Variants in TMEM267 observed in about 807,000 individuals in gnomAD.
TMEM267 encodes transmembrane protein 267.
Under a neutral mutation model 19.3 loss-of-function variants are expected in TMEM267, and 20 were observed. The observed-to-expected ratio is 1.04, with a 90% CI of 0.73 to 1.51. TMEM267 has a LOEUF of 1.51. Ranked by LOEUF, TMEM267 falls within the 40% of genes most tolerant of loss-of-function variation. The pLI, the probability that TMEM267 is intolerant of heterozygous loss-of-function variation, is 0.00. For synonymous variants in TMEM267, 88 were observed against 90.3 expected, an observed-to-expected ratio of 0.97 and a Z score of 0.15; for missense variants, 242 against 261.9, an observed-to-expected ratio of 0.92 and a Z score of 0.52.
At position 43,446,565 on chromosome 5, in the gene TMEM267, A is replaced by G. The variant is rs1163594650; in HGVS notation, c.313-8T>C. 3 of 1,578,682 alleles carry G rather than the reference A, an allele frequency of 1.9e-6. No homozygotes were observed. Among genetic ancestry groups the G allele is most frequent in the Non-Finnish European group, 2.6e-6 (3 of 1,156,512 alleles). On this transcript the variant is annotated splice_polypyrimidine_tract_variant and splice_region_variant and intron_variant, in intron 2 of 2. Coordinates refer to ENST00000397080, the MANE Select transcript of TMEM267 (RefSeq NM_022483.5). ...CGGGAGAGTCAAAGCAGCCTGAGGG[A>G]GCAAAGTAATAGCGAGTATCATTTC...
intron 1 of TMEM267, among the ~76,000 whole-genome samples, chr5:43,472,068 C>T (rs1029051136): frequency 6.6e-6 from 1 of 151,860 alleles, no homozygotes; most frequent in Non-Finnish European, 1.5e-5. Context: ...AACCAAAATA[C>T]GTAAGTGCTC....
chr5:43,459,545 T>C (rs950738278), intron 1 of TMEM267, among the ~76,000 whole-genome samples: 2 of 151,938 alleles, frequency 1.3e-5, no homozygotes, highest in African/African-American at 4.8e-5. Flanking sequence ...GTCTAAGAAA[T>C]ACAAACAAAA....
chr5:43,457,619 C>T (rs1189281063), intron 1 of TMEM267, among the ~76,000 whole-genome samples: 1 of 152,150 alleles, frequency 6.6e-6, no homozygotes, highest in Non-Finnish European at 1.5e-5. Flanking sequence ...TATCTGCCCC[C>T]ATGAACCAGT....
At chr5:43,455,680 T>G (rs768117119) in intron 1 of TMEM267, among the ~76,000 whole-genome samples, 1 of 152,124 alleles carries the variant, frequency 6.6e-6, no homozygotes, top group Non-Finnish European at 1.5e-5. Context: ...CTCAAGTAGC[T>G]GGGATTACAG....
rs1743110811 is a variant in TMEM267 at position 43,459,080 on chromosome 5, T to G, written c.-74-5037A>C. Among the ~76,000 whole-genome samples the G allele has an allele frequency of 2.6e-5, 4 of 152,156 alleles. No homozygotes were observed. The South Asian group carries it at 8.3e-4, about 31-fold the overall frequency. On this transcript the variant is annotated intron_variant, in intron 1 of 2. Coordinates refer to ENST00000397080, the MANE Select transcript of TMEM267 (RefSeq NM_022483.5). ...ATGTCAGAATACTGTGAGGTAACAT[T>G]TACAGAACTCTGAGAGAAAAAGATC... is the stretch of plus-strand genomic sequence containing the variant.
chr5:43,445,927 T>C lies in TMEM267; in HGVS notation c.*295A>G, dbSNP rs1301109772. On this transcript the variant is annotated 3_prime_UTR_variant, in exon 3 of 3. Transcript: ENST00000397080. ...ATATTTCCAGAAAATGAACTGGATG[T>C]TAATCTAAAAGAACTACTAGTAAAG... 1.2e-5 allele frequency: 2 copies of C among 168,792 alleles called. No individual in the cohort carries two copies. The highest frequency in any genetic ancestry group is 2.5e-5 in the Non-Finnish European group (2 of 79,204). 10.5% of individuals were successfully genotyped at this position (168,792 alleles called of 1,614,324 possible).
intron 1 of TMEM267, among the ~76,000 whole-genome samples, chr5:43,480,946 A>C (rs1744725335): frequency 6.6e-6 from 1 of 150,828 alleles, no homozygotes; most frequent in African/African-American, 2.4e-5. Context: ...CTGGGACTAC[A>C]GGTGCCCGCC....
Position 43,445,522 on chromosome 5 carries a change from C to T in TMEM267, c.*700G>A, listed in dbSNP as rs1447624877. 2 of 152,002 alleles carry T rather than the reference C, an allele frequency of 1.3e-5. No homozygotes were observed. Among genetic ancestry groups the T allele is most frequent in the East Asian group, 3.8e-4 (2 of 5,196 alleles). The allele number at this position is 152,002 out of a possible 1,614,324, so 9.4% of individuals were successfully genotyped here. On this transcript the variant is annotated 3_prime_UTR_variant, in exon 3 of 3. Transcript: ENST00000397080. Reference sequence around the variant, plus strand: ...AGGCTAGAGATACCAAAAAATACTACTTCAGTAAAGTGCTACTGTAGCCAA... The same window carrying T: ...AGGCTAGAGATACCAAAAAATACTATTTCAGTAAAGTGCTACTGTAGCCAA...
At chr5:43,473,750 GA>G (rs548606017) in intron 1 of TMEM267, among the ~76,000 whole-genome samples, 3 of 152,030 alleles carry the variant, frequency 2.0e-5, no homozygotes, top group Non-Finnish European at 2.9e-5. Flanking sequence ...CACAAAATTG[GA>G]AAAAACAACT....
chr5:43,468,645 T>C (rs906460900), intron 1 of TMEM267, among the ~76,000 whole-genome samples: 2 of 152,188 alleles, frequency 1.3e-5, no homozygotes, highest in African/African-American at 4.8e-5. Context: ...ATCCTCAACC[T>C]TGGCAAAATA....
intron 1 of TMEM267, among the ~76,000 whole-genome samples, chr5:43,479,665 G>A (rs1171728735): frequency 6.6e-6 from 1 of 152,012 alleles, no homozygotes; most frequent in African/African-American, 2.4e-5. Context: ...AACTTATGCA[G>A]ATTCCTTATG....
At chr5:43,468,158 A>G (rs138552405) in intron 1 of TMEM267, among the ~76,000 whole-genome samples, 1,673 of 152,288 alleles carry the variant, frequency 0.011, 16 homozygotes, top group Non-Finnish European at 0.017. Flanking sequence ...ACAATTTTAC[A>G]GAAGTAAAGT....
At chr5:43,472,165 A>C (rs1353613054) in intron 1 of TMEM267, among the ~76,000 whole-genome samples, 1 of 152,262 alleles carries the variant, frequency 6.6e-6, no homozygotes, top group Non-Finnish European at 1.5e-5. Flanking sequence ...GAAGACATAG[A>C]AATGGCAAAC....
At chr5:43,464,030 T>C (rs967258462) in intron 1 of TMEM267, among the ~76,000 whole-genome samples, 15 of 152,324 alleles carry the variant, frequency 9.8e-5, no homozygotes, top group African/African-American at 2.6e-4. Flanking sequence ...TGTTTGCAGA[T>C]GACATGATTG....
chr5:43,450,995 C>T lies in TMEM267; in HGVS notation c.312+2663G>A, dbSNP rs184591835. Among the ~76,000 whole-genome samples the T allele has an allele frequency of 4.8e-3, 731 of 151,874 alleles. 3 individuals carry two copies. Among genetic ancestry groups the T allele is most frequent in the Middle Eastern group, 0.014 (4 of 294 alleles). ...GATTACAGGTGCCTGCCACTATGCC[C>T]GGCTAATTTTTTTTTGTATTTTTAG... On this transcript the variant is annotated intron_variant, in intron 2 of 2. Transcript: ENST00000397080.
chr5:43,474,633 C>T (rs1744301393), intron 1 of TMEM267, among the ~76,000 whole-genome samples: 1 of 151,902 alleles, frequency 6.6e-6, no homozygotes, highest in African/African-American at 2.4e-5. Context: ...GTGGTGCATG[C>T]TTGTAATCCC....
intron 1 of TMEM267, among the ~76,000 whole-genome samples, chr5:43,465,015 G>A (rs986435774): frequency 5.3e-4 from 80 of 152,014 alleles, no homozygotes; most frequent in Middle Eastern, 3.4e-3. Flanking sequence ...CAGAGTGAAC[G>A]GGCAACCTAC....
chr5:43,451,573 G>A (rs1742590205), intron 2 of TMEM267, among the ~76,000 whole-genome samples: 1 of 152,106 alleles, frequency 6.6e-6, no homozygotes, highest in African/African-American at 2.4e-5. Flanking sequence ...CATCAGAATG[G>A]CTATTATTAA....
At chr5:43,479,804 T>C (rs1415551375) in intron 1 of TMEM267, 2 of 397,800 alleles carry the variant, frequency 5.0e-6, no homozygotes, top group Admixed American at 3.6e-5. Context: ...TTATTTTCTA[T>C]AGATTCTTCC....
Sources: allele counts gnomAD v4.1 joint callset (sites outside exome capture counted in the v4.1 genomes callset), GRCh38; gene constraint gnomAD v4.1.1; transcripts MANE v1.5; gene names NCBI Gene and HGNC (gene_info 2026-07-23, HGNC 2026-07-21).